PTGER3: variants seen among roughly 807,000 people sequenced by gnomAD.
PTGER3 encodes the protein prostaglandin E2 receptor EP3 subtype.
PTGER3 carries 22 observed loss-of-function variants against 34.7 expected under a neutral mutation model. The observed-to-expected ratio is 0.63, with a 90% CI of 0.45 to 0.91. The LOEUF (loss-of-function observed/expected upper bound fraction) is 0.91, where lower values mean the gene tolerates loss of function less well. PTGER3 is among the 40% of genes least tolerant of loss of function. PTGER3 has a pLI of 0.00. For synonymous variants in PTGER3, 241 were observed against 230.1 expected (o/e 1.05, Z -0.43); for missense variants, 468 against 519.4 (o/e 0.90, Z 0.96).
chr1:71,009,385 A>T (rs1019084821), intron 2 of PTGER3: 9 of 978,532 alleles, frequency 9.2e-6, no homozygotes, highest in Non-Finnish European at 1.1e-5. Flanking sequence ...ATGATTAAAC[A>T]CTTACATTTA....
intron 3 of PTGER3, among the ~76,000 whole-genome samples, chr1:70,973,240 TAGATAG>T (rs1456096443): frequency 1.3e-5 from 2 of 150,438 alleles, no homozygotes; most frequent in Non-Finnish European, 3.0e-5. Context: ...GATAGATAGA[TAGATAG>T]ATAGATAGAT....
intron 4 of PTGER3, among the ~76,000 whole-genome samples, chr1:70,935,047 G>T (rs781313665): frequency 6.6e-5 from 10 of 152,088 alleles, no homozygotes; most frequent in Non-Finnish European, 1.2e-4. Context: ...ATATTCTGGA[G>T]ATAGAAAAAG....
intron 4 of PTGER3, among the ~76,000 whole-genome samples, chr1:70,914,982 C>T (rs564232349): frequency 1.5e-4 from 23 of 151,918 alleles, no homozygotes; most frequent in African/African-American, 4.8e-4. Flanking sequence ...AAGTATATGC[C>T]GGGAACCTAT....
intron 1 of PTGER3, among the ~76,000 whole-genome samples, chr1:71,013,874 G>C (rs962339954): frequency 6.6e-6 from 1 of 151,964 alleles, no homozygotes; most frequent in Non-Finnish European, 1.5e-5. Context: ...TCAAACATGG[G>C]TTCACAATCC....
At chr1:70,923,238 T>C (rs1647726229) in intron 4 of PTGER3, among the ~76,000 whole-genome samples, 1 of 151,460 alleles carries the variant, frequency 6.6e-6, no homozygotes, top group African/African-American at 2.4e-5. Flanking sequence ...TTTGTATAAA[T>C]GTGTTATTGG....
intron 2 of PTGER3, among the ~76,000 whole-genome samples, chr1:70,976,647 A>G (rs1653734169): frequency 6.6e-6 from 1 of 152,192 alleles, no homozygotes; most frequent in Non-Finnish European, 1.5e-5. Context: ...TTGGCAAATC[A>G]TAAATATCTT....
rs202141976 is a variant in PTGER3 at position 71,046,794 on chromosome 1, C to T, written c.784G>A (p.Ala262Thr). 2.8e-5 allele frequency: 45 copies of T among 1,614,074 alleles called. No homozygotes were observed. Among genetic ancestry groups the T allele is most frequent in the Middle Eastern group, 1.6e-4 (1 of 6,062 alleles). Residue 262 changes from alanine to threonine, a missense_variant, in exon 1 of 4, where the codon GCC becomes ACC. This residue lies in a region of PTGER3 where 204 missense variants were observed against 230.8 expected (regional missense o/e 0.88). Transcript: ENST00000306666. ...TIKALVSRCR[A>T]KATASQSSAQ... ...CTGGACTGAGATGCCGTGGCCTTGGCCCGGCAGCGGGACACCAGGGCCTTA... is the reference window on the plus strand; with the variant it reads ...CTGGACTGAGATGCCGTGGCCTTGGTCCGGCAGCGGGACACCAGGGCCTTA...
At chr1:70,874,920 TAC>T (rs976721068) in intron 4 of PTGER3, among the ~76,000 whole-genome samples, 1 of 152,162 alleles carries the variant, frequency 6.6e-6, no homozygotes, top group African/African-American at 2.4e-5. Flanking sequence ...TTCTAAATCA[TAC>T]AGAGTGATTG....
chr1:71,037,192 T>G (rs1015106523), intron 1 of PTGER3, among the ~76,000 whole-genome samples: 24 of 152,186 alleles, frequency 1.6e-4, no homozygotes, highest in African/African-American at 5.8e-4. Context: ...GCAACCACAG[T>G]AAGACCTATC....
At chr1:71,036,879 T>C (rs1341456973) in intron 1 of PTGER3, among the ~76,000 whole-genome samples, 2 of 151,658 alleles carry the variant, frequency 1.3e-5, no homozygotes, top group East Asian at 3.9e-4. Context: ...TCTCAGGAGA[T>C]AATCTGAGTA....
chr1:70,915,942 A>T (rs1433654347), intron 4 of PTGER3, among the ~76,000 whole-genome samples: 1 of 152,014 alleles, frequency 6.6e-6, no homozygotes, highest in Non-Finnish European at 1.5e-5. Flanking sequence ...TCAACTGAGT[A>T]AACAGACAAC....
chr1:70,893,275 C>T (rs1307762806), intron 4 of PTGER3, among the ~76,000 whole-genome samples: 1 of 152,142 alleles, frequency 6.6e-6, no homozygotes, highest in Admixed American at 6.5e-5. Flanking sequence ...GAAGCTGATG[C>T]TTAAAGAGTC....
chr1:71,034,478 G>A (rs1190196942), intron 1 of PTGER3, among the ~76,000 whole-genome samples: 2 of 152,142 alleles, frequency 1.3e-5, no homozygotes, highest in Admixed American at 1.3e-4. Flanking sequence ...TTATGTAAAT[G>A]CACATGAGTT....
intron 4 of PTGER3, among the ~76,000 whole-genome samples, chr1:70,860,332 A>G (rs1233865077): frequency 6.6e-6 from 1 of 152,176 alleles, no homozygotes. Context: ...CATTGATGAG[A>G]AAAAAATGTG....
intron 4 of PTGER3, among the ~76,000 whole-genome samples, chr1:70,877,754 T>A (rs1646304003): frequency 6.6e-6 from 1 of 152,194 alleles, no homozygotes. Context: ...AAATCACGTT[T>A]TAATTTGTGT....
At chr1:70,876,284 T>A (rs1216627938) in intron 4 of PTGER3, among the ~76,000 whole-genome samples, 1 of 151,500 alleles carries the variant, frequency 6.6e-6, no homozygotes, top group African/African-American at 2.4e-5. Context: ...TTAATGGGTT[T>A]TTTTTTTTTT....
At chr1:70,869,310 G>T in intron 4 of PTGER3, 1 of 471,286 alleles carries the variant, frequency 2.1e-6, no homozygotes, top group Non-Finnish European at 4.4e-6. Context: ...CTTCCATCAG[G>T]CCCCATCTCC....
At chr1:70,972,000 G>C (rs1392659662) in intron 3 of PTGER3, among the ~76,000 whole-genome samples, 1 of 152,118 alleles carries the variant, frequency 6.6e-6, no homozygotes, top group East Asian at 1.9e-4. Context: ...AATAGAAGCT[G>C]AAATAGCCAG....
intron 2 of PTGER3, among the ~76,000 whole-genome samples, chr1:70,963,270 C>T (rs946760388): frequency 3.3e-5 from 5 of 152,108 alleles, no homozygotes; most frequent in Admixed American, 6.6e-5. Flanking sequence ...TCCAGGCACA[C>T]CGCACAAGCC....
Sources: allele counts gnomAD v4.1 joint callset (sites outside exome capture counted in the v4.1 genomes callset), GRCh38; gene constraint gnomAD v4.1.1; regional missense constraint gnomAD v4.1.1; transcripts MANE v1.5; gene names NCBI Gene and HGNC (gene_info 2026-07-23, HGNC 2026-07-21).